The following CHST11 variants were observed in gnomAD, a reference collection of about 807,000 sequenced individuals.
CHST11 encodes the protein carbohydrate sulfotransferase 11.
In CHST11, 9 loss-of-function variants were observed where a neutral mutation model predicts 30.4. The observed-to-expected ratio is 0.30, with a 90% confidence interval of 0.18 to 0.52. The LOEUF is 0.52. Ranked by LOEUF, CHST11 falls within the 20% of genes least tolerant of loss-of-function variation. The pLI is 0.97. For synonymous variants in CHST11, 152 were observed against 187.8 expected, an observed-to-expected ratio of 0.81 and a Z score of 1.56; for missense variants, 348 against 460.6, an observed-to-expected ratio of 0.76 and a Z score of 2.24.
chr12:104,457,573 T>C (rs756103297), intron 1 of CHST11, 44 bp downstream of exon 1: 29 of 1,357,094 alleles, frequency 2.1e-5, no homozygotes, highest in Non-Finnish European at 3.1e-5. Flanking sequence ...TTTTCTTCTC[T>C]CTCGCGCTCT....
intron 1 of CHST11, among the ~76,000 whole-genome samples, chr12:104,500,624 A>G (rs10778338): frequency 0.19 from 29,220 of 152,156 alleles, 3,061 homozygotes; most frequent in East Asian, 0.33. Context: ...GTGCTCTGAT[A>G]ATGATGACAT....
chr12:104,613,646 A>G (rs551442750), intron 2 of CHST11, among the ~76,000 whole-genome samples: 2 of 152,278 alleles, frequency 1.3e-5, no homozygotes, highest in South Asian at 4.1e-4. Flanking sequence ...CCATGATTGT[A>G]ACTTTCCTGA....
At chr12:104,463,727 G>A (rs2037431146) in intron 1 of CHST11, among the ~76,000 whole-genome samples, 2 of 152,122 alleles carry the variant, frequency 1.3e-5, no homozygotes, top group African/African-American at 2.4e-5. Context: ...AGGTAATTAG[G>A]GAATGTCATT....
intron 2 of CHST11, among the ~76,000 whole-genome samples, chr12:104,624,030 G>A (rs1348207017): frequency 6.6e-6 from 1 of 152,150 alleles, no homozygotes; most frequent in Non-Finnish European, 1.5e-5. Context: ...CTCAGGCTGG[G>A]GGAGTGAAGC....
intron 2 of CHST11, among the ~76,000 whole-genome samples, chr12:104,736,201 C>T (rs941088361): frequency 1.3e-5 from 2 of 152,156 alleles, no homozygotes; most frequent in Non-Finnish European, 2.9e-5. Context: ...CCCAAAGTTC[C>T]CCCTGCAAGA....
chr12:104,485,938 C>T (rs114197477), intron 1 of CHST11, among the ~76,000 whole-genome samples: 4,121 of 152,242 alleles, frequency 0.027, 186 homozygotes, highest in African/African-American at 0.095. Context: ...GGCCTTTGCA[C>T]GGCCTGCTTG....
rs1232119827 is a variant in CHST11 at position 104,758,817 on chromosome 12, G to C, written c.*1014G>C. 1 of 152,144 alleles carries C rather than the reference G, an allele frequency of 6.6e-6. No homozygotes were observed. Among genetic ancestry groups the C allele is most frequent in the Non-Finnish European group, 1.5e-5 (1 of 68,036 alleles). The allele number at this position is 152,144 out of a possible 1,614,324, so 9.4% of individuals were successfully genotyped here. On this transcript the variant is annotated 3_prime_UTR_variant, in exon 3 of 3. Coordinates refer to ENST00000303694, the MANE Select transcript of CHST11 (RefSeq NM_018413.6). ...GGAGCAGGCCACTTTATATTCGTGA[G>C]TGATCCCAAGCTCACTGACCAACAG...
intron 2 of CHST11, among the ~76,000 whole-genome samples, chr12:104,655,169 A>G (rs2039531237): frequency 6.6e-6 from 1 of 152,196 alleles, no homozygotes; most frequent in African/African-American, 2.4e-5. Flanking sequence ...TGTCAAGTTG[A>G]CGGGGAAGGT....
At chr12:104,519,939 A>C (rs1371941639) in intron 1 of CHST11, among the ~76,000 whole-genome samples, 4 of 152,190 alleles carry the variant, frequency 2.6e-5, no homozygotes, top group African/African-American at 7.2e-5. Flanking sequence ...AAAGGACAGT[A>C]GTCTGGTTTT....
At chr12:104,554,192 C>T (rs1428745141) in intron 1 of CHST11, among the ~76,000 whole-genome samples, 2 of 152,060 alleles carry the variant, frequency 1.3e-5, no homozygotes, top group African/African-American at 4.8e-5. Context: ...AGCTTATGCT[C>T]AAGGGGGAAG....
At chr12:104,601,792 T>C in intron 1 of CHST11, 114 bp from the exon 2 acceptor site, 1 of 753,872 alleles carries the variant, frequency 1.3e-6, no homozygotes, top group Admixed American at 2.6e-5. Context: ...TGCTAGAAGC[T>C]GGTTTTCTCT....
At chr12:104,511,844 G>A (rs1007465785) in intron 1 of CHST11, among the ~76,000 whole-genome samples, 1 of 152,134 alleles carries the variant, frequency 6.6e-6, no homozygotes, top group African/African-American at 2.4e-5. Context: ...AGTCATCTCT[G>A]GGTATCCATG....
intron 1 of CHST11, among the ~76,000 whole-genome samples, chr12:104,582,662 G>A (rs200760209): frequency 2.0e-5 from 1 of 49,668 alleles, no homozygotes; most frequent in Non-Finnish European, 4.1e-5. Flanking sequence ...TAGAGGATCT[G>A]TCATTTATTA....
intron 2 of CHST11, among the ~76,000 whole-genome samples, chr12:104,665,717 T>G (rs1262865365): frequency 7.6e-6 from 1 of 132,010 alleles, no homozygotes. Flanking sequence ...ATACTTGGAA[T>G]TTTCTCTGGA....
At chr12:104,551,194 C>T (rs544157425) in intron 1 of CHST11, among the ~76,000 whole-genome samples, 53 of 152,292 alleles carry the variant, frequency 3.5e-4, no homozygotes, top group African/African-American at 1.3e-3. Context: ...ACAAATGTGA[C>T]GATTTCCCCA....
chr12:104,539,042 G>A (rs1240206880), intron 1 of CHST11, among the ~76,000 whole-genome samples: 4 of 152,210 alleles, frequency 2.6e-5, no homozygotes, highest in African/African-American at 9.6e-5. Flanking sequence ...GAGAAGTGTT[G>A]CCCAAGGTTA....
At chr12:104,578,813 T>C (rs1424342509) in intron 1 of CHST11, among the ~76,000 whole-genome samples, 1 of 152,218 alleles carries the variant, frequency 6.6e-6, no homozygotes. Context: ...AAGCCAACAG[T>C]GTTAATTGGA....
chr12:104,704,857 C>T (rs1027771274), intron 2 of CHST11, among the ~76,000 whole-genome samples: 5 of 152,046 alleles, frequency 3.3e-5, no homozygotes, highest in Admixed American at 3.3e-4. Context: ...CATCATCCGG[C>T]CACCTTGGCC....
chr12:104,481,078 G>A (rs192185443), intron 1 of CHST11, among the ~76,000 whole-genome samples: 1 of 152,330 alleles, frequency 6.6e-6, no homozygotes, highest in East Asian at 1.9e-4. Flanking sequence ...GTACTTTCCA[G>A]CTATGAAATG....
Sources: allele counts gnomAD v4.1 joint callset (sites outside exome capture counted in the v4.1 genomes callset), GRCh38; gene constraint gnomAD v4.1.1; transcripts MANE v1.5; gene names NCBI Gene and HGNC (gene_info 2026-07-23, HGNC 2026-07-21).